SDK1: variants seen among roughly 807,000 people sequenced by gnomAD.
SDK1 encodes protein sidekick-1.
In SDK1, 157 loss-of-function variants were observed where a neutral mutation model predicts 245.5. The ratio of observed to expected loss-of-function variants is 0.64; its 90% CI spans 0.56 to 0.73. SDK1 has a LOEUF of 0.73. Ranked by LOEUF, SDK1 falls within the 30% of genes least tolerant of loss-of-function variation. The pLI is 0.00. For synonymous variants in SDK1, 1,647 were observed against 1,278.5 expected (o/e 1.29, Z -6.15); for missense variants, 3,583 against 3,002.3 (o/e 1.19, Z -4.52).
rs556500541 is a variant in SDK1 at position 3,794,671 on chromosome 7, C to T, written c.714-26779C>T. On this transcript the variant is annotated intron_variant, in intron 4 of 44. Coordinates refer to ENST00000404826, the MANE Select transcript of SDK1 (RefSeq NM_152744.4). ...GCAGAGTCCTCACAGCAAGAAGGCC[C>T]TCCCCAGATATAGTCCCTCGACCTT... Among the ~76,000 whole-genome samples, 3 of 152,286 alleles carry T rather than the reference C, an allele frequency of 2.0e-5. No individual in the cohort carries two copies. The South Asian group carries it at 6.2e-4, about 32-fold the overall frequency.
chr7:3,876,654 A>G (rs933076269), intron 5 of SDK1, among the ~76,000 whole-genome samples: 12 of 152,362 alleles, frequency 7.9e-5, no homozygotes, highest in African/African-American at 2.2e-4. Context: ...CTAAAATACA[A>G]TACTATAGTA....
chr7:4,147,248 A>G (rs1780042623), intron 29 of SDK1, among the ~76,000 whole-genome samples: 2 of 152,034 alleles, frequency 1.3e-5, no homozygotes, highest in African/African-American at 2.4e-5. Context: ...TTATGTGATC[A>G]TAGGTCACCG....
At chr7:3,792,354 T>G (rs1781123880) in intron 4 of SDK1, among the ~76,000 whole-genome samples, 1 of 152,084 alleles carries the variant, frequency 6.6e-6, no homozygotes, top group African/African-American at 2.4e-5. Context: ...CCTCTTCTCT[T>G]TCTTCCATCA....
At chr7:4,050,541 C>A (rs985885150) in intron 18 of SDK1, among the ~76,000 whole-genome samples, 2 of 152,196 alleles carry the variant, frequency 1.3e-5, no homozygotes, top group African/African-American at 4.8e-5. Context: ...CCCAATTAGT[C>A]CTAGAAATGT....
chr7:4,229,925 G>C (rs2128234936), intron 40 of SDK1, among the ~76,000 whole-genome samples: 1 of 151,970 alleles, frequency 6.6e-6, no homozygotes, highest in South Asian at 2.1e-4. Context: ...CCCTGAGAAA[G>C]CCCATGGGAT....
At chr7:3,365,413 C>A (rs1217425710) in intron 1 of SDK1, among the ~76,000 whole-genome samples, 1 of 152,134 alleles carries the variant, frequency 6.6e-6, no homozygotes, top group Non-Finnish European at 1.5e-5. Context: ...AGAACTCTTT[C>A]AGTGGTCGGA....
chr7:3,764,371 C>T (rs117576877), intron 4 of SDK1, among the ~76,000 whole-genome samples: 3,013 of 152,172 alleles, frequency 0.02, 46 homozygotes, highest in Non-Finnish European at 0.034. Context: ...TATTCTCCTG[C>T]GATGCAATTC....
intron 1 of SDK1, among the ~76,000 whole-genome samples, chr7:3,557,031 A>G (rs1408577571): frequency 1.1e-5 from 1 of 90,692 alleles, no homozygotes; most frequent in Admixed American, 1.4e-4. Flanking sequence ...CAATAATCTA[A>G]GTTAATACCT....
intron 5 of SDK1, among the ~76,000 whole-genome samples, chr7:3,936,636 C>T (rs1362171270): frequency 2.6e-5 from 4 of 152,034 alleles, no homozygotes; most frequent in African/African-American, 9.7e-5. Flanking sequence ...TACATCACAG[C>T]TTGAGCGTCC....
chr7:4,122,810 G>A (rs921213154), intron 25 of SDK1, among the ~76,000 whole-genome samples: 1 of 152,188 alleles, frequency 6.6e-6, no homozygotes, highest in African/African-American at 2.4e-5. Context: ...AAAGGGAGTT[G>A]AATCTACTTC....
chr7:3,464,145 C>A (rs1351277996), intron 1 of SDK1, among the ~76,000 whole-genome samples: 3 of 152,224 alleles, frequency 2.0e-5, no homozygotes, highest in South Asian at 4.1e-4. Context: ...ACGCATCGTT[C>A]CCTGAGTGAA....
chr7:4,047,103 T>C (rs1789072731), intron 17 of SDK1, among the ~76,000 whole-genome samples: 1 of 152,208 alleles, frequency 6.6e-6, no homozygotes, highest in South Asian at 2.1e-4. Flanking sequence ...AAATGAGATA[T>C]TAGCTGTAGG....
chr7:4,038,759 C>G (rs545081896), intron 17 of SDK1, among the ~76,000 whole-genome samples: 8 of 152,208 alleles, frequency 5.3e-5, no homozygotes, highest in Non-Finnish European at 1.2e-4. Flanking sequence ...TTGTGGTCCA[C>G]TCATCAATAC....
At chr7:3,351,985 A>G (rs1466356684) in intron 1 of SDK1, among the ~76,000 whole-genome samples, 1 of 152,078 alleles carries the variant, frequency 6.6e-6, no homozygotes, top group Non-Finnish European at 1.5e-5. Context: ...ATATAAAGCA[A>G]GTATTGATAA....
chr7:3,682,085 A>G (rs1784116847), intron 4 of SDK1, among the ~76,000 whole-genome samples: 1 of 152,230 alleles, frequency 6.6e-6, no homozygotes, highest in African/African-American at 2.4e-5. Flanking sequence ...ATTTTGAAGT[A>G]TCTGCCTGTC....
intron 5 of SDK1, among the ~76,000 whole-genome samples, chr7:3,858,853 A>G (rs934422946): frequency 2.9e-5 from 4 of 136,420 alleles, no homozygotes; most frequent in South Asian, 2.3e-4. Context: ...AAAACCTTGT[A>G]TTTTTCTTTT....
intron 3 of SDK1, among the ~76,000 whole-genome samples, chr7:3,639,972 G>A (rs997804686): frequency 7.2e-5 from 11 of 151,908 alleles, no homozygotes; most frequent in South Asian, 2.1e-4. Context: ...TCAGCCTCCC[G>A]AGTAGCTAGG....
chr7:3,500,617 G>C (rs1488302951), intron 1 of SDK1, among the ~76,000 whole-genome samples: 2 of 152,090 alleles, frequency 1.3e-5, no homozygotes, highest in African/African-American at 4.8e-5. Flanking sequence ...CAATGATACA[G>C]CTAATTGTAG....
rs147453117 is a variant in SDK1 at position 3,745,175 on chromosome 7, T to C, written c.714-76275T>C. Among the ~76,000 whole-genome samples, 202 of 152,358 alleles carry C rather than the reference T, an allele frequency of 1.3e-3. 2 individuals carry two copies. Among genetic ancestry groups the C allele is most frequent in the African/African-American group, 4.7e-3 (197 of 41,592 alleles). On this transcript the variant is annotated intron_variant, in intron 4 of 44. Transcript: ENST00000404826. ...ATTTTACTTAGGGAAGGTCCTGTGG[T>C]ATCTCAAAGTCACTTAGCTCAGTTT...
Sources: gnomAD v4.1 joint callset for allele counts (sites outside exome capture counted in the v4.1 genomes callset) on GRCh38, gnomAD v4.1.1 for gene constraint, MANE v1.5 for transcripts, NCBI Gene and HGNC (gene_info 2026-07-23, HGNC 2026-07-21) for gene names.